Variants in AUTS2 observed in about 807,000 individuals in gnomAD.
AUTS2 encodes the protein activator of transcription and developmental regulator AUTS2.
AUTS2 carries 17 observed loss-of-function variants against 112.4 expected under a neutral mutation model. The observed-to-expected ratio is 0.15, with a 90% CI of 0.10 to 0.23. The LOEUF is 0.23. Among genes scored for constraint, AUTS2 ranks in the 10% least tolerant of loss-of-function variants. AUTS2 has a pLI of 1.00. For synonymous variants in AUTS2, 751 were observed against 702.7 expected (o/e 1.07, Z -1.09); for missense variants, 1,510 against 1,701.6 (o/e 0.89, Z 1.98).
intron 5 of AUTS2, among the ~76,000 whole-genome samples, chr7:70,516,301 C>T (rs2129493900): frequency 6.6e-6 from 1 of 152,294 alleles, no homozygotes; most frequent in South Asian, 2.1e-4. Context: ...GCACCTTACC[C>T]ACCAGGATTT....
intron 1 of AUTS2, among the ~76,000 whole-genome samples, chr7:69,762,306 T>A (rs1788222090): frequency 1.1e-5 from 1 of 93,892 alleles, no homozygotes. Context: ...TTTTTTTTTT[T>A]TTTTTTTTTT....
chr7:70,043,662 T>C (rs538867186), intron 2 of AUTS2, among the ~76,000 whole-genome samples: 1 of 149,096 alleles, frequency 6.7e-6, no homozygotes, highest in Non-Finnish European at 1.5e-5. Context: ...CAGGCTGGAG[T>C]GCAATGGCGC....
intron 1 of AUTS2, among the ~76,000 whole-genome samples, chr7:69,744,771 A>G (rs540595640): frequency 6.6e-6 from 1 of 152,206 alleles, no homozygotes; most frequent in Admixed American, 6.5e-5. Flanking sequence ...TGAAGGCTGC[A>G]GTGAGCTATA....
intron 2 of AUTS2, among the ~76,000 whole-genome samples, chr7:69,920,319 G>C (rs1584442898): frequency 6.6e-6 from 1 of 151,464 alleles, no homozygotes; most frequent in Admixed American, 6.6e-5. Context: ...TAGAGAGGGG[G>C]TCTTGCTTTG....
intron 5 of AUTS2, among the ~76,000 whole-genome samples, chr7:70,540,184 T>C (rs1356698425): frequency 6.6e-6 from 1 of 151,994 alleles, no homozygotes; most frequent in Non-Finnish European, 1.5e-5. Context: ...TCTTGGGTGG[T>C]AGGTTATTTG....
chr7:70,316,097 G>T (rs1404150292), intron 4 of AUTS2, among the ~76,000 whole-genome samples: 1 of 152,170 alleles, frequency 6.6e-6, no homozygotes, highest in African/African-American at 2.4e-5. Flanking sequence ...ATAAAATAAA[G>T]CAAAATAGGA....
intron 1 of AUTS2, among the ~76,000 whole-genome samples, chr7:69,799,906 C>A (rs1202146820): frequency 2.6e-5 from 4 of 152,006 alleles, no homozygotes; most frequent in Non-Finnish European, 5.9e-5. Context: ...CTGGGCAGTT[C>A]CTACTATCTA....
intron 5 of AUTS2, among the ~76,000 whole-genome samples, chr7:70,536,394 T>G (rs1007113210): frequency 6.6e-6 from 1 of 152,006 alleles, no homozygotes; most frequent in Non-Finnish European, 1.5e-5. Context: ...TTAGACCTTC[T>G]TAACATATGG....
chr7:69,739,205 A>G (rs1164025245), intron 1 of AUTS2, among the ~76,000 whole-genome samples: 2 of 152,176 alleles, frequency 1.3e-5, no homozygotes, highest in African/African-American at 4.8e-5. Context: ...CCCTTCAGAT[A>G]TTAAAAGTGA....
intron 15 of AUTS2, 26 bp downstream of exon 15, chr7:70,781,782 C>T: frequency 6.2e-7 from 1 of 1,610,734 alleles, no homozygotes; most frequent in Non-Finnish European, 8.5e-7. Flanking sequence ...GGTGGGGGGA[C>T]AGAGCTGAGA....
intron 5 of AUTS2, among the ~76,000 whole-genome samples, chr7:70,566,949 A>G (rs956009160): frequency 6.6e-6 from 1 of 152,232 alleles, no homozygotes; most frequent in Non-Finnish European, 1.5e-5. Context: ...TGTGAACTGC[A>G]TGTGCCTGAG....
chr7:69,826,305 C>T (rs1791241374), intron 1 of AUTS2, among the ~76,000 whole-genome samples: 1 of 152,152 alleles, frequency 6.6e-6, no homozygotes, highest in African/African-American at 2.4e-5. Context: ...TTATTGTCTC[C>T]AGTTTATGGA....
chr7:70,558,193 C>T (rs190505379), intron 5 of AUTS2, among the ~76,000 whole-genome samples: 24 of 152,218 alleles, frequency 1.6e-4, no homozygotes, highest in Non-Finnish European at 3.4e-4. Context: ...GTGCTGTTCC[C>T]GAAGCCCAGG....
chr7:70,226,591 C>A (rs1202644502), intron 4 of AUTS2, among the ~76,000 whole-genome samples: 1 of 152,060 alleles, frequency 6.6e-6, no homozygotes, highest in Non-Finnish European at 1.5e-5. Flanking sequence ...CAGCTTCTTG[C>A]ATGAAAGAAT....
chr7:69,822,639 G>T (rs1791048902), intron 1 of AUTS2, among the ~76,000 whole-genome samples: 1 of 152,218 alleles, frequency 6.6e-6, no homozygotes, highest in African/African-American at 2.4e-5. Flanking sequence ...AGATATGGAA[G>T]TTTGTTTGAT....
chr7:69,972,299 T>C (rs1442436614), intron 2 of AUTS2, among the ~76,000 whole-genome samples: 1 of 152,206 alleles, frequency 6.6e-6, no homozygotes, highest in Non-Finnish European at 1.5e-5. Flanking sequence ...TCTAATTGGA[T>C]TTAAAAATTT....
At chr7:69,752,822 A>G (rs2129271384) in intron 1 of AUTS2, among the ~76,000 whole-genome samples, 1 of 152,306 alleles carries the variant, frequency 6.6e-6, no homozygotes, top group Middle Eastern at 3.4e-3. Context: ...CTAAGGAGTC[A>G]GTGATGGAGG....
intron 2 of AUTS2, among the ~76,000 whole-genome samples, chr7:70,069,934 A>G (rs1446550722): frequency 6.6e-6 from 1 of 152,104 alleles, no homozygotes; most frequent in Non-Finnish European, 1.5e-5. Flanking sequence ...TAAAAAATGC[A>G]GAATAAAAAA....
At chr7:70,513,154 T>G (rs1483687393) in intron 5 of AUTS2, among the ~76,000 whole-genome samples, 2 of 152,340 alleles carry the variant, frequency 1.3e-5, no homozygotes, top group Non-Finnish European at 2.9e-5. Context: ...TATGTGGGGT[T>G]TTTGCCTTCA....
Sources: allele counts gnomAD v4.1 joint callset (sites outside exome capture counted in the v4.1 genomes callset), GRCh38; gene constraint gnomAD v4.1.1; transcripts MANE v1.5; gene names NCBI Gene and HGNC (gene_info 2026-07-23, HGNC 2026-07-21).